Variants in TMEM38A observed in about 807,000 individuals in gnomAD.
The protein encoded by TMEM38A is trimeric intracellular cation channel type A.
A neutral mutation model predicts 28.6 loss-of-function variants in TMEM38A; 17 were observed. The ratio of observed to expected loss-of-function variants is 0.60; its 90% CI spans 0.41 to 0.89. The LOEUF (loss-of-function observed/expected upper bound fraction) is 0.89, where lower values mean the gene tolerates loss of function less well. Ranked by LOEUF, TMEM38A falls within the 40% of genes least tolerant of loss-of-function variation. The pLI is 0.00. For synonymous variants in TMEM38A, 169 were observed against 166.1 expected (o/e 1.02, Z -0.14); for missense variants, 328 against 393.1 (o/e 0.83, Z 1.40).
intron 1 of TMEM38A, among the ~76,000 whole-genome samples, chr19:16,665,706 G>T (rs1310399479): frequency 6.6e-6 from 1 of 152,104 alleles, no homozygotes; most frequent in Non-Finnish European, 1.5e-5. Context: ...TAAGGCATTT[G>T]TGAGGGGTGG....
chr19:16,672,080 G>A (rs763091470), intron 1 of TMEM38A, among the ~76,000 whole-genome samples: 5 of 152,192 alleles, frequency 3.3e-5, no homozygotes, highest in Non-Finnish European at 7.3e-5. Context: ...TCAATGGTAA[G>A]ACGTAGGACA....
chr19:16,672,466 T>TTTTTTTTTGG (rs3067283), intron 1 of TMEM38A, among the ~76,000 whole-genome samples: 1 of 149,658 alleles, frequency 6.7e-6, no homozygotes. Context: ...TTTTTTTTTT[T>TTTTTTTTTGG]GAGGCAGAGT....
intron 1 of TMEM38A, among the ~76,000 whole-genome samples, chr19:16,664,482 T>C (rs1310293856): frequency 6.6e-6 from 1 of 152,082 alleles, no homozygotes; most frequent in Non-Finnish European, 1.5e-5. Context: ...AGTCCCAGTT[T>C]GGTGTGCGTG....
At chr19:16,662,068 G>A (rs1453444953) in intron 1 of TMEM38A, among the ~76,000 whole-genome samples, 4 of 152,144 alleles carry the variant, frequency 2.6e-5, no homozygotes, top group South Asian at 2.1e-4. Context: ...GAGGATGAAT[G>A]GCTTCCTTAG....
rs1401829616 is a variant in TMEM38A, at chr19:16,689,553, G to T, written c.*1182G>T. 6.6e-6 allele frequency: 1 copy of T among 152,262 alleles called. No homozygotes were observed. The highest frequency in any genetic ancestry group is 1.9e-4 in the East Asian group (1 of 5,202). 9.4% of individuals were successfully genotyped at this position (152,262 alleles called of 1,614,324 possible). A position where few individuals can be genotyped will look rare whatever the true frequency, so the allele number is the denominator to read the frequency against. ...AAAGAAATGGAAACAGCTGGTTGGG[G>T]TTCCACGATCCAGCTCTATCAAGGG... On this transcript the variant is annotated 3_prime_UTR_variant, in exon 6 of 6. Coordinates refer to ENST00000187762, the MANE Select transcript of TMEM38A (RefSeq NM_024074.4).
Position 16,680,123 on chromosome 19 carries a change from G to A in TMEM38A, c.264G>A (p.Leu88=). Residue 88 remains leucine, a synonymous_variant, in exon 2 of 6, where the codon CTG becomes CTA. Transcript: ENST00000187762. ...IDYFSNNSSI[L]LASAVWYLIF... is the part of the protein sequence containing the mutation. ...ACTTCAGCAACAACTCCAGCATCCT[G>A]CTGGCCTCAGCTGTCTGGTAAGCCA... is the stretch of plus-strand genomic sequence containing the variant. 6.2e-7 allele frequency: 1 copy of A among 1,608,542 alleles called. No homozygotes were observed. Among genetic ancestry groups the A allele is most frequent in the South Asian group, 1.1e-5 (1 of 91,072 alleles).
At chr19:16,683,825 C>T (rs1043173233) in intron 4 of TMEM38A, among the ~76,000 whole-genome samples, 6 of 152,062 alleles carry the variant, frequency 3.9e-5, no homozygotes, top group African/African-American at 1.4e-4. Context: ...ACAAAATTAG[C>T]TGGGTGTGGT....
chr19:16,687,222 C>T (rs2086805510), intron 5 of TMEM38A, among the ~76,000 whole-genome samples: 1 of 152,180 alleles, frequency 6.6e-6, no homozygotes, highest in Non-Finnish European at 1.5e-5. Flanking sequence ...ATCCCAGCTA[C>T]TCGGGAGGCT....
At chr19:16,667,728 G>C (rs2086709286) in intron 1 of TMEM38A, among the ~76,000 whole-genome samples, 1 of 151,942 alleles carries the variant, frequency 6.6e-6, no homozygotes, top group South Asian at 2.1e-4. Flanking sequence ...GCATGGTGGT[G>C]TGCACCTGTA....
At chr19:16,665,007 A>G (rs2086697131) in intron 1 of TMEM38A, among the ~76,000 whole-genome samples, 1 of 152,150 alleles carries the variant, frequency 6.6e-6, no homozygotes, top group Non-Finnish European at 1.5e-5. Flanking sequence ...TAAAAAATAC[A>G]AAAATGGCTA....
At chr19:16,683,298 C>T (rs1009189256) in intron 4 of TMEM38A, among the ~76,000 whole-genome samples, 5 of 151,930 alleles carry the variant, frequency 3.3e-5, no homozygotes, top group Non-Finnish European at 5.9e-5. Flanking sequence ...TTTAAAAGAC[C>T]TTGTTGGGGG....
Position 16,661,374 on chromosome 19 carries a change from C to A in TMEM38A, c.124+33C>A, listed in dbSNP as rs758715757. Reference sequence around the variant, plus strand: ...GGGGCGGGGGGCTGGAGGGGACCGGCAGCGGGTGGCGCGGGCCGGGGCAGC... The same window carrying A: ...GGGGCGGGGGGCTGGAGGGGACCGGAAGCGGGTGGCGCGGGCCGGGGCAGC... On this transcript the variant is annotated intron_variant, in intron 1 of 5. Transcript: ENST00000187762. The surrounding 1 kb of genome is among the most constrained non-coding windows in gnomAD (Gnocchi z 6.5). 8 of 1,527,284 alleles carry A rather than the reference C, an allele frequency of 5.2e-6. No homozygotes were observed. The Admixed American group carries it at 9.8e-5, about 19-fold the overall frequency. The allele number at this position is 1,527,284 out of a possible 1,614,324, so 94.6% of individuals were successfully genotyped here. A position where few individuals can be genotyped will look rare whatever the true frequency, so the allele number is the denominator to read the frequency against.
chr19:16,688,066 C>T (rs1463605858), intron 5 of TMEM38A, 78 bp from the exon 6 acceptor site: 1 of 1,055,882 alleles, frequency 9.5e-7, no homozygotes, highest in South Asian at 2.5e-5. Context: ...CTTCTCCCCA[C>T]CCTGCCCTCC....
intron 4 of TMEM38A, 32 bp downstream of exon 4, chr19:16,682,540 C>T: frequency 1.2e-5 from 19 of 1,594,440 alleles, no homozygotes; most frequent in Non-Finnish European, 1.5e-5. Context: ...TCCCTCCATG[C>T]CTCCTGTATG....
chr19:16,662,436 C>CTTTTTTTTTTTTTTTTTT (rs35226829), intron 1 of TMEM38A, among the ~76,000 whole-genome samples: 12 of 75,836 alleles, frequency 1.6e-4, no homozygotes, highest in Non-Finnish European at 1.8e-4. Context: ...TAAATGCACG[C>CTTTTTTTTTTTTTTTTTT]TTTTTTTTTT....
At chr19:16,668,830 TTC>T (rs1356552874) in intron 1 of TMEM38A, among the ~76,000 whole-genome samples, 1 of 149,318 alleles carries the variant, frequency 6.7e-6, no homozygotes, top group East Asian at 2.0e-4. Context: ...TTCTTTTTCT[TTC>T]TTTTTTTTTT....
rs1491244248 is a variant in TMEM38A, at chr19:16,664,877, A to AAT, written c.124+3537_124+3538insTA. ...CTCCTAAAAAAATAATAATAATAAT[A>AAT]AAAAAAGAATGTCAGCATAGGTCAG... On this transcript the variant is annotated intron_variant, in intron 1 of 5. Transcript: ENST00000187762. Among the ~76,000 whole-genome samples, 5 of 135,418 alleles carry AAT rather than the reference A, an allele frequency of 3.7e-5. No individual in the cohort carries two copies. In the East Asian group the frequency reaches 1.8e-3, roughly 47 times the overall value. 88.8% of individuals were successfully genotyped at this position (135,418 alleles called of 152,430 possible). A position where few individuals can be genotyped will look rare whatever the true frequency, so the allele number is the denominator to read the frequency against.
At chr19:16,674,718 A>C (rs564372154) in intron 1 of TMEM38A, among the ~76,000 whole-genome samples, 1 of 151,838 alleles carries the variant, frequency 6.6e-6, no homozygotes, top group African/African-American at 2.4e-5. Context: ...AGGATTGCTT[A>C]AACCCAGGAG....
intron 1 of TMEM38A, among the ~76,000 whole-genome samples, chr19:16,675,111 C>G (rs1417892281): frequency 6.6e-6 from 1 of 152,186 alleles, no homozygotes; most frequent in Non-Finnish European, 1.5e-5. Flanking sequence ...GGCTGGAAGT[C>G]TGAGATCAGG....
Sources: allele counts gnomAD v4.1 joint callset (sites outside exome capture counted in the v4.1 genomes callset), GRCh38; gene constraint gnomAD v4.1.1; non-coding constraint Gnocchi (gnomAD v3.1); transcripts MANE v1.5; gene names NCBI Gene and HGNC (gene_info 2026-07-23, HGNC 2026-07-21).